Variants in FHIT observed in about 807,000 individuals in gnomAD.
FHIT encodes fragile histidine triad diadenosine triphosphatase.
Under a neutral mutation model 17.9 loss-of-function variants are expected in FHIT, and 19 were observed. The observed-to-expected ratio is 1.06, with a 90% CI of 0.74 to 1.56. The LOEUF (loss-of-function observed/expected upper bound fraction) is 1.56, where lower values mean the gene tolerates loss of function less well. FHIT is among the 40% of genes most tolerant of loss of function. The pLI, the probability that FHIT is intolerant of heterozygous loss-of-function variation, is 0.00. For missense variants in FHIT, 248 were observed against 189.2 expected, an observed-to-expected ratio of 1.31 and a Z score of -1.82; for synonymous variants, 81 against 69.7, an observed-to-expected ratio of 1.16 and a Z score of -0.81.
chr3:59,941,366 T>C (rs1251313128), intron 7 of FHIT, among the ~76,000 whole-genome samples: 1 of 152,174 alleles, frequency 6.6e-6, no homozygotes, highest in Non-Finnish European at 1.5e-5. Flanking sequence ...GGAATATAAA[T>C]GCCTTTACCC....
chr3:60,414,440 A>T (rs1027559437), intron 5 of FHIT, among the ~76,000 whole-genome samples: 3 of 152,178 alleles, frequency 2.0e-5, no homozygotes, highest in African/African-American at 7.2e-5. Context: ...ATCAGTGCCA[A>T]ATTCAGAACC....
At chr3:60,975,623 T>C (rs1710198576) in intron 3 of FHIT, among the ~76,000 whole-genome samples, 1 of 152,204 alleles carries the variant, frequency 6.6e-6, no homozygotes, top group Non-Finnish European at 1.5e-5. Context: ...GATACCATGT[T>C]TTGACCATGT....
At chr3:60,612,798 C>G (rs781939505) in intron 4 of FHIT, among the ~76,000 whole-genome samples, 3 of 152,222 alleles carry the variant, frequency 2.0e-5, no homozygotes, top group Admixed American at 6.5e-5. Context: ...CCACTCCCAT[C>G]TCCTCAGGCT....
At chr3:60,900,652 GAAGA>G (rs1386842276) in intron 3 of FHIT, among the ~76,000 whole-genome samples, 1 of 151,968 alleles carries the variant, frequency 6.6e-6, no homozygotes, top group Non-Finnish European at 1.5e-5. Context: ...TAAAGTCATT[GAAGA>G]AATACTGAAA....
intron 3 of FHIT, among the ~76,000 whole-genome samples, chr3:60,830,898 TTAA>T (rs1428712789): frequency 1.3e-5 from 2 of 152,154 alleles, no homozygotes; most frequent in African/African-American, 4.8e-5. Context: ...GCTTAACATA[TTAA>T]TGAGAATTTC....
chr3:60,898,109 A>T (rs189206106), intron 3 of FHIT, among the ~76,000 whole-genome samples: 164 of 152,214 alleles, frequency 1.1e-3, no homozygotes, highest in African/African-American at 1.9e-3. Context: ...TATACCTATT[A>T]AAAAAACCCT....
intron 1 of FHIT, among the ~76,000 whole-genome samples, chr3:61,249,959 C>A (rs1263890108): frequency 1.3e-5 from 2 of 150,158 alleles, no homozygotes; most frequent in Admixed American, 1.3e-4. Context: ...CACACACACA[C>A]ACACACACAC....
At chr3:59,894,656 T>C (rs1358540264) in intron 8 of FHIT, among the ~76,000 whole-genome samples, 1 of 152,194 alleles carries the variant, frequency 6.6e-6, no homozygotes, top group Admixed American at 6.5e-5. Flanking sequence ...ATGGTGGTTC[T>C]GTAGTATGTT....
At chr3:60,342,365 C>G (rs1476522114) in intron 5 of FHIT, among the ~76,000 whole-genome samples, 1 of 152,184 alleles carries the variant, frequency 6.6e-6, no homozygotes, top group Non-Finnish European at 1.5e-5. Flanking sequence ...AGATATAACA[C>G]AGGGTCTGAG....
intron 2 of FHIT, among the ~76,000 whole-genome samples, chr3:61,139,745 T>C (rs1273516889): frequency 6.6e-6 from 1 of 152,168 alleles, no homozygotes; most frequent in African/African-American, 2.4e-5. Flanking sequence ...CTCATGTATA[T>C]GTGGTACTAT....
intron 5 of FHIT, among the ~76,000 whole-genome samples, chr3:60,418,909 A>T (rs1702368397): frequency 1.3e-5 from 2 of 152,176 alleles, no homozygotes; most frequent in Non-Finnish European, 2.9e-5. Context: ...GCATCTTTAG[A>T]TTCCTGTATA....
At chr3:61,234,324 G>A (rs937137287) in intron 1 of FHIT, among the ~76,000 whole-genome samples, 3 of 152,160 alleles carry the variant, frequency 2.0e-5, no homozygotes, top group East Asian at 1.9e-4. Flanking sequence ...TTATGCACAC[G>A]TGCAAATACA....
intron 5 of FHIT, among the ~76,000 whole-genome samples, chr3:60,135,291 C>T (rs985879146): frequency 2.0e-4 from 30 of 152,042 alleles, no homozygotes; most frequent in African/African-American, 7.0e-4. Flanking sequence ...CTTCAGGGAC[C>T]AGGCAAATAG....
At chr3:60,509,358 C>T (rs2034856873) in intron 5 of FHIT, among the ~76,000 whole-genome samples, 1 of 152,340 alleles carries the variant, frequency 6.6e-6, no homozygotes, top group Middle Eastern at 3.4e-3. Context: ...CTTCCCATAG[C>T]TTTCCAATCT....
intron 8 of FHIT, among the ~76,000 whole-genome samples, chr3:59,837,478 C>A (rs997390360): frequency 1.3e-5 from 2 of 151,992 alleles, no homozygotes; most frequent in Non-Finnish European, 2.9e-5. Context: ...CAATTCCCCC[C>A]ACCCCCCAAA....
At chr3:60,439,431 G>C (rs1204441394) in intron 5 of FHIT, among the ~76,000 whole-genome samples, 2 of 152,016 alleles carry the variant, frequency 1.3e-5, no homozygotes. Context: ...GCAAAGCCTT[G>C]GGTAGCTAGA....
intron 1 of FHIT, among the ~76,000 whole-genome samples, chr3:61,210,659 G>A (rs1446715196): frequency 6.6e-6 from 1 of 152,184 alleles, no homozygotes; most frequent in East Asian, 1.9e-4. Context: ...CTGGAAAAGT[G>A]CAGTATTACG....
intron 5 of FHIT, among the ~76,000 whole-genome samples, chr3:60,506,657 C>G (rs745316129): frequency 6.6e-6 from 1 of 152,118 alleles, no homozygotes; most frequent in African/African-American, 2.4e-5. Context: ...AAGCTTTAAA[C>G]GTATGTGTGT....
chr3:60,301,387 G>C (rs1708454351), intron 5 of FHIT, among the ~76,000 whole-genome samples: 1 of 152,080 alleles, frequency 6.6e-6, no homozygotes. Context: ...CATGAAACAA[G>C]TACACTGTAT....
Sources: allele counts gnomAD v4.1 joint callset (sites outside exome capture counted in the v4.1 genomes callset), GRCh38; gene constraint gnomAD v4.1.1; transcripts MANE v1.5; gene names NCBI Gene and HGNC (gene_info 2026-07-23, HGNC 2026-07-21).